RNF130: variants seen among roughly 807,000 people sequenced by gnomAD.
The protein encoded by RNF130 is ring finger protein 130.
Under a neutral mutation model 44.6 loss-of-function variants are expected in RNF130, and 21 were observed. The ratio of observed to expected loss-of-function variants is 0.47; its 90% CI spans 0.33 to 0.68. The LOEUF (loss-of-function observed/expected upper bound fraction) is 0.68. Among genes scored for constraint, RNF130 ranks in the 30% least tolerant of loss-of-function variants. The pLI is 0.02. For synonymous variants in RNF130, 214 were observed against 210.4 expected (o/e 1.02, Z -0.15); for missense variants, 479 against 560.6 (o/e 0.85, Z 1.47).
intron 5 of RNF130, among the ~76,000 whole-genome samples, chr5:179,974,935 T>C (rs906792060): frequency 1.3e-5 from 2 of 152,220 alleles, no homozygotes; most frequent in African/African-American, 4.8e-5. Flanking sequence ...TTGCTTCCTC[T>C]GGGCAGTCAA....
chr5:179,992,335 G>C (rs1242182516), intron 3 of RNF130, among the ~76,000 whole-genome samples: 1 of 152,084 alleles, frequency 6.6e-6, no homozygotes, highest in Non-Finnish European at 1.5e-5. Context: ...TAGAGACGGG[G>C]TTTCACCATG....
intron 6 of RNF130, among the ~76,000 whole-genome samples, chr5:179,968,985 T>C (rs968137785): frequency 6.6e-6 from 1 of 152,252 alleles, no homozygotes; most frequent in Non-Finnish European, 1.5e-5. Flanking sequence ...AATGGGGCAT[T>C]ACTGCCCAAC....
chr5:179,970,635 G>A (rs1762560800), intron 5 of RNF130, 129 bp from the exon 6 acceptor site: 1 of 668,942 alleles, frequency 1.5e-6, no homozygotes, highest in Non-Finnish European at 2.6e-6. Context: ...AGCCCCAAGA[G>A]ACAAATATTG....
chr5:179,947,050 C>A (rs1344619813), intron 7 of RNF130, among the ~76,000 whole-genome samples: 1 of 152,186 alleles, frequency 6.6e-6, no homozygotes, highest in Non-Finnish European at 1.5e-5. Context: ...CAAGTGCACA[C>A]TGACGCAACC....
intron 6 of RNF130, among the ~76,000 whole-genome samples, chr5:179,967,767 T>C (rs1762483827): frequency 6.6e-6 from 1 of 152,132 alleles, no homozygotes; most frequent in South Asian, 2.1e-4. Flanking sequence ...TAGAGAGAAG[T>C]TTCAGCCAAC....
At chr5:179,943,176 G>C (rs751221345) in intron 7 of RNF130, among the ~76,000 whole-genome samples, 4 of 152,236 alleles carry the variant, frequency 2.6e-5, no homozygotes, top group African/African-American at 9.6e-5. Context: ...GCCTGGGACA[G>C]AGCGAGACAC....
chr5:180,001,664 T>C (rs529908769), intron 3 of RNF130, among the ~76,000 whole-genome samples: 161 of 152,254 alleles, frequency 1.1e-3, no homozygotes, highest in Non-Finnish European at 2.1e-3. Context: ...GTATTGACTA[T>C]AGACCCTGGG....
chr5:180,002,886 A>C (rs1763377686), intron 3 of RNF130, among the ~76,000 whole-genome samples: 1 of 151,972 alleles, frequency 6.6e-6, no homozygotes, highest in Admixed American at 6.6e-5. Context: ...AGGATTTCTA[A>C]TGGGTCATTT....
chr5:179,957,276 C>G (rs1762232208), intron 8 of RNF130, among the ~76,000 whole-genome samples: 1 of 152,070 alleles, frequency 6.6e-6, no homozygotes, highest in South Asian at 2.1e-4. Flanking sequence ...GCCAGGGGTG[C>G]TGGCAGGCGC....
intron 3 of RNF130, among the ~76,000 whole-genome samples, chr5:179,993,935 T>C (rs1763147691): frequency 6.6e-6 from 1 of 152,252 alleles, no homozygotes; most frequent in Admixed American, 6.5e-5. Context: ...GTTTCAGCTT[T>C]CTACATATGG....
chr5:179,926,627 G>A (rs982272437), intron 7 of RNF130, among the ~76,000 whole-genome samples: 6 of 152,116 alleles, frequency 3.9e-5, no homozygotes, highest in African/African-American at 9.7e-5. Flanking sequence ...CAGCCTGGGC[G>A]ACAGAACAAG....
intron 3 of RNF130, among the ~76,000 whole-genome samples, chr5:179,990,313 C>T (rs896745427): frequency 2.6e-5 from 4 of 152,126 alleles, no homozygotes; most frequent in African/African-American, 4.8e-5. Flanking sequence ...GTAGCCGAGG[C>T]GGAGAGAGAG....
In RNF130 at chr5:179,973,851, AAAG is replaced by A. The variant is rs560642496; in HGVS notation, c.849-3348_849-3346del. ...AGGTAACGTGGACAGTGAAACCTGA[AAAG>A]CACAAGCATACTGAGCGCCAACAAA... On this transcript the variant is annotated intron_variant, in intron 5 of 8. Transcript: ENST00000521389. 3.2e-4 allele frequency among the ~76,000 whole-genome samples: 49 copies of A among 152,324 alleles called. No homozygotes were observed. In the South Asian group the frequency reaches 9.7e-3, roughly 30 times the overall value.
At chr5:179,995,299 A>G (rs1333966268) in intron 3 of RNF130, among the ~76,000 whole-genome samples, 1 of 152,050 alleles carries the variant, frequency 6.6e-6, no homozygotes, top group Non-Finnish European at 1.5e-5. Context: ...CAAATTTGCT[A>G]TTGGGTCCAA....
intron 3 of RNF130, among the ~76,000 whole-genome samples, chr5:179,989,531 A>G (rs1350359053): frequency 6.6e-6 from 1 of 152,144 alleles, no homozygotes. Context: ...TATTTTTTAC[A>G]TAACGTCTGT....
At chr5:180,062,704 T>C (rs1003586837) in intron 1 of RNF130, among the ~76,000 whole-genome samples, 9 of 152,198 alleles carry the variant, frequency 5.9e-5, no homozygotes, top group African/African-American at 2.2e-4. Context: ...CTTTCTAACA[T>C]TGGGTTTGCC....
intron 2 of RNF130, among the ~76,000 whole-genome samples, chr5:180,029,092 C>A (rs1764063467): frequency 6.6e-6 from 1 of 152,054 alleles, no homozygotes. Flanking sequence ...GATTCAAATC[C>A]CAATCTTGTG....
chr5:179,953,319 TAC>T (rs936936637), downstream of RNF130, among the ~76,000 whole-genome samples: 1 of 151,844 alleles, frequency 6.6e-6, no homozygotes, highest in African/African-American at 2.4e-5. Context: ...TTTTTTTTTT[TAC>T]AGAGATTGAG....
intron 2 of RNF130, among the ~76,000 whole-genome samples, chr5:180,038,496 A>G (rs143268449): frequency 6.6e-6 from 1 of 151,844 alleles, no homozygotes; most frequent in Non-Finnish European, 1.5e-5. Flanking sequence ...CGACCAGCCA[A>G]AACAGGTTCT....
Sources: allele counts gnomAD v4.1 joint callset (sites outside exome capture counted in the v4.1 genomes callset), GRCh38; gene constraint gnomAD v4.1.1; transcripts MANE v1.5; gene names NCBI Gene and HGNC (gene_info 2026-07-23, HGNC 2026-07-21).